The following TRPM3 variants were observed in gnomAD, a reference collection of about 807,000 sequenced individuals.
The protein encoded by TRPM3 is transient receptor potential cation channel subfamily M member 3.
Under a neutral mutation model 181.2 loss-of-function variants are expected in TRPM3, and 77 were observed. That is an observed-to-expected ratio of 0.42 (90% CI 0.35 to 0.51). The LOEUF is 0.51. TRPM3 is among the 20% of genes least tolerant of loss of function. The pLI, the probability that TRPM3 is intolerant of heterozygous loss-of-function variation, is 0.01. For synonymous variants in TRPM3, 745 were observed against 796.4 expected (o/e 0.94, Z 1.09); for missense variants, 1,759 against 2,196.7 (o/e 0.80, Z 3.98).
At chr9:71,252,847 C>CTCTCTTT (rs1554854926) in intron 1 of TRPM3, among the ~76,000 whole-genome samples, 16 of 84,754 alleles carry the variant, frequency 1.9e-4, no homozygotes, top group East Asian at 3.5e-4. Context: ...AATTTTGTCT[C>CTCTCTTT]TTTTTTTTTT....
rs543240065 is a variant in TRPM3 at position 70,654,963 on chromosome 9, G to A, written c.1346-14303C>T. 1.1e-3 allele frequency among the ~76,000 whole-genome samples: 171 copies of A among 151,246 alleles called. 2 individuals carry two copies. Among genetic ancestry groups the A allele is most frequent in the African/African-American group, 3.9e-3 (163 of 41,288 alleles). On this transcript the variant is annotated intron_variant, in intron 9 of 25. Transcript: ENST00000677713. ...CTCCCAAAGTGCTGGGATTACAGGC[G>A]TGAAGCACTCTGTAGGTTTTACGGC...
At chr9:70,859,477 T>G (rs2095471684) in intron 3 of TRPM3, among the ~76,000 whole-genome samples, 1 of 152,178 alleles carries the variant, frequency 6.6e-6, no homozygotes, top group African/African-American at 2.4e-5. Context: ...GGAATAACAA[T>G]ACTGCTGTTA....
At chr9:71,295,961 ACT>A (rs1262083432) in intron 1 of TRPM3, among the ~76,000 whole-genome samples, 2 of 152,040 alleles carry the variant, frequency 1.3e-5, no homozygotes, top group African/African-American at 4.8e-5. Flanking sequence ...TCCAGCCCTG[ACT>A]CTGCTTCTTC....
chr9:71,198,873 C>T (rs2131713534), intron 1 of TRPM3, among the ~76,000 whole-genome samples: 1 of 119,392 alleles, frequency 8.4e-6, no homozygotes, highest in South Asian at 3.0e-4. Flanking sequence ...TTTCCTTCTC[C>T]TGTCTAATTG....
chr9:70,774,814 C>T (rs548929981), intron 7 of TRPM3: 5 of 152,072 alleles, frequency 3.3e-5, no homozygotes, highest in Non-Finnish European at 5.9e-5. Context: ...ATATGTACAT[C>T]GACTCTAAGA....
chr9:71,098,801 C>G lies in TRPM3; in HGVS notation c.177+22377G>C, dbSNP rs545482041. On this transcript the variant is annotated intron_variant, in intron 1 of 25. Transcript: ENST00000677713. ...CCCCTCAAGTGTTCTCCAAAGGTTT[C>G]TTGGAGCCCCCTGGAAATTTCAGTG... Among the ~76,000 whole-genome samples the G allele has an allele frequency of 4.1e-4, 62 of 152,236 alleles. 1 individual carries two copies. In the South Asian group the frequency reaches 0.013, roughly 32 times the overall value.
At chr9:71,106,873 A>G (rs914951189) in intron 1 of TRPM3, among the ~76,000 whole-genome samples, 9 of 152,316 alleles carry the variant, frequency 5.9e-5, no homozygotes, top group African/African-American at 2.2e-4. Flanking sequence ...GGGGGTACAA[A>G]AAAGGGAAAG....
chr9:71,069,321 C>T (rs923426027), intron 1 of TRPM3, among the ~76,000 whole-genome samples: 1 of 151,180 alleles, frequency 6.6e-6, no homozygotes, highest in Non-Finnish European at 1.5e-5. Flanking sequence ...GGACTACAGG[C>T]ATGCACCACT....
rs553290987 is a variant in TRPM3 at position 71,066,170 on chromosome 9, C to T, written c.177+55008G>A. ...AAGTTAGAAAAAATAAGCTTCAAAA[C>T]TTTACAGTTATAAATTCTATCTTCT... On this transcript the variant is annotated intron_variant, in intron 1 of 25. Coordinates refer to ENST00000677713, the MANE Select transcript of TRPM3 (RefSeq NM_001366145.2). Among the ~76,000 whole-genome samples the T allele has an allele frequency of 3.9e-5, 6 of 152,266 alleles. No homozygotes were observed. In the South Asian group the frequency reaches 6.2e-4, roughly 16 times the overall value.
chr9:71,339,958 C>T (rs2090841150), intron 1 of TRPM3, among the ~76,000 whole-genome samples: 1 of 152,118 alleles, frequency 6.6e-6, no homozygotes, highest in East Asian at 1.9e-4. Context: ...ATAAATAAAT[C>T]TCATGGTCAC....
chr9:70,691,847 G>T (rs2068677934), intron 8 of TRPM3, among the ~76,000 whole-genome samples: 1 of 152,248 alleles, frequency 6.6e-6, no homozygotes, highest in South Asian at 2.1e-4. Flanking sequence ...AGGATATTTT[G>T]GTATGCTTCC....
intron 1 of TRPM3, among the ~76,000 whole-genome samples, chr9:71,340,238 A>G (rs948063957): frequency 6.6e-6 from 1 of 152,186 alleles, no homozygotes; most frequent in Non-Finnish European, 1.5e-5. Context: ...AGAGAAGGCT[A>G]GAATAAATCC....
Position 71,154,262 on chromosome 9 carries a change from A to T in TRPM3, c.184-289751T>A, listed in dbSNP as rs369878652. ...AGCACTTATTATATTTAAAGCATGT[A>T]GTTGTAAGCTCTATAAGTACAAAGC... On this transcript the variant is annotated intron_variant, in intron 1 of 24. Transcript: ENST00000357533. Among the ~76,000 whole-genome samples the T allele has an allele frequency of 2.6e-5, 4 of 152,174 alleles. No individual in the cohort carries two copies. In the South Asian group the frequency reaches 6.2e-4, roughly 24 times the overall value.
At chr9:70,930,342 A>G (rs1463975013) in intron 1 of TRPM3, among the ~76,000 whole-genome samples, 1 of 152,228 alleles carries the variant, frequency 6.6e-6, no homozygotes, top group Non-Finnish European at 1.5e-5. Context: ...TGCAGATTAC[A>G]TAATAATCTA....
intron 1 of TRPM3, among the ~76,000 whole-genome samples, chr9:70,937,927 C>T (rs1216851941): frequency 6.6e-6 from 1 of 152,152 alleles, no homozygotes; most frequent in East Asian, 1.9e-4. Flanking sequence ...GAATGTTGAC[C>T]ACTTAGTTGA....
intron 1 of TRPM3, among the ~76,000 whole-genome samples, chr9:70,953,948 C>A (rs970777706): frequency 2.0e-5 from 3 of 152,164 alleles, no homozygotes; most frequent in Admixed American, 6.6e-5. Flanking sequence ...ATGCCTACTG[C>A]AGATCTGGCC....
At chr9:71,386,450 G>T (rs1216817919) in intron 1 of TRPM3, among the ~76,000 whole-genome samples, 1 of 134,262 alleles carries the variant, frequency 7.4e-6, no homozygotes, top group Non-Finnish European at 1.6e-5. Flanking sequence ...TCTGTCTTTT[G>T]AAAAAAAAAA....
At chr9:71,206,309 C>G (rs910267467) in intron 1 of TRPM3, among the ~76,000 whole-genome samples, 10 of 152,286 alleles carry the variant, frequency 6.6e-5, no homozygotes, top group African/African-American at 2.2e-4. Context: ...GAGATGGTAT[C>G]TCATTGTGGT....
chr9:71,002,448 G>A (rs1162185334), intron 1 of TRPM3, among the ~76,000 whole-genome samples: 5 of 152,190 alleles, frequency 3.3e-5, no homozygotes, highest in African/African-American at 1.2e-4. Flanking sequence ...GTTCTCAGAA[G>A]AAATGAAAGA....
Sources: gnomAD v4.1 joint callset for allele counts (sites outside exome capture counted in the v4.1 genomes callset) on GRCh38, gnomAD v4.1.1 for gene constraint, MANE v1.5 for transcripts, NCBI Gene and HGNC (gene_info 2026-07-23, HGNC 2026-07-21) for gene names.